STRADA: variants seen among roughly 807,000 people sequenced by gnomAD.
STRADA encodes the protein STE20 related adaptor alpha.
In STRADA, 26 loss-of-function variants were observed where a neutral mutation model predicts 55.0. The ratio of observed to expected loss-of-function variants is 0.47; its 90% CI spans 0.35 to 0.66. The LOEUF (loss-of-function observed/expected upper bound fraction) is 0.66, where lower values mean the gene tolerates loss of function less well. STRADA is among the 30% of genes least tolerant of loss of function. The pLI is 0.01. For synonymous variants in STRADA, 197 were observed against 210.9 expected, an observed-to-expected ratio of 0.93 and a Z score of 0.57; for missense variants, 443 against 549.7, an observed-to-expected ratio of 0.81 and a Z score of 1.94.
At chr17:63,740,643 C>T (rs1162728056) in intron 1 of STRADA, among the ~76,000 whole-genome samples, 1 of 152,132 alleles carries the variant, frequency 6.6e-6, no homozygotes, top group African/African-American at 2.4e-5. Context: ...CTCTGTTTTA[C>T]GGATCAGGAA....
At chr17:63,729,582 C>T (rs1293528390) in intron 1 of STRADA, among the ~76,000 whole-genome samples, 2 of 151,874 alleles carry the variant, frequency 1.3e-5, no homozygotes, top group Admixed American at 6.6e-5. Context: ...GTCAGGAGTT[C>T]GAGACTAGCC....
At chr17:63,723,188 G>C (rs2037425459) in intron 4 of STRADA, 110 bp downstream of exon 4, 2 of 1,288,148 alleles carry the variant, frequency 1.6e-6, no homozygotes, top group Admixed American at 1.8e-5. Context: ...ATAAAGCTCA[G>C]TGACAGATAA....
intron 5 of STRADA, 118 bp from the exon 6 acceptor site, chr17:63,713,645 C>A: frequency 7.6e-7 from 1 of 1,320,374 alleles, no homozygotes; most frequent in Non-Finnish European, 1.0e-6. Flanking sequence ...TTTTTCACTA[C>A]TGTTACTTTT....
chr17:63,705,943 C>T (rs915347838), intron 10 of STRADA: 6 of 152,196 alleles, frequency 3.9e-5, no homozygotes, highest in African/African-American at 1.2e-4. Flanking sequence ...CCCCTACCAC[C>T]GGGCAAGCAG....
chr17:63,728,735 T>TTAAA (rs1568213181), intron 1 of STRADA, among the ~76,000 whole-genome samples: 1 of 112,430 alleles, frequency 8.9e-6, no homozygotes. Context: ...CCCATCTCTA[T>TTAAA]AAAAAAAAAA....
rs1161174255 is a variant in STRADA at position 63,710,328 on chromosome 17, G to A, written c.581+163C>T. ...TGTGATTACAGGCGTGAGCCATCGC[G>A]CTGGGCCCTGTTTCTTTTCAGAGCA... On this transcript the variant is annotated intron_variant, in intron 8 of 12. Coordinates refer to ENST00000336174, the MANE Select transcript of STRADA (RefSeq NM_001003787.4). 7 of 1,235,108 alleles carry A rather than the reference G, an allele frequency of 5.7e-6. No homozygotes were observed. In the East Asian group the frequency reaches 1.3e-4, roughly 23 times the overall value. 76.5% of individuals were successfully genotyped at this position (1,235,108 alleles called of 1,614,324 possible). A position where few individuals can be genotyped will look rare whatever the true frequency, so the allele number is the denominator to read the frequency against.
chr17:63,716,095 G>GTTT (rs536853800), intron 4 of STRADA, among the ~76,000 whole-genome samples: 9 of 134,922 alleles, frequency 6.7e-5, no homozygotes, highest in Non-Finnish European at 8.1e-5. Flanking sequence ...AACGTACGTG[G>GTTT]TTTTTTTTTT....
intron 3 of STRADA, chr17:63,725,721 G>A: frequency 6.6e-6 from 1 of 151,748 alleles, no homozygotes; most frequent in Non-Finnish European, 1.5e-5. Context: ...CCAGGCTGGA[G>A]TGCAGTGGCG....
rs553748448 is a variant in STRADA at position 63,736,758 on chromosome 17, T to A, written c.-45+4983A>T. Reference sequence around the variant, plus strand: ...AGTTGGCAGGTTGAAGAAAATATAATAATATCATGAAATATACAGATTATA... The same window carrying A: ...AGTTGGCAGGTTGAAGAAAATATAAAAATATCATGAAATATACAGATTATA... On this transcript the variant is annotated intron_variant, in intron 1 of 12. Coordinates refer to ENST00000336174, the MANE Select transcript of STRADA (RefSeq NM_001003787.4). Among the ~76,000 whole-genome samples the A allele has an allele frequency of 2.6e-5, 4 of 151,188 alleles. No homozygotes were observed. The East Asian group carries it at 7.8e-4, about 30-fold the overall frequency.
chr17:63,731,138 T>TCCACCATGG (rs1256761345), intron 1 of STRADA, among the ~76,000 whole-genome samples: 1 of 151,830 alleles, frequency 6.6e-6, no homozygotes, highest in Non-Finnish European at 1.5e-5. Context: ...GAGACGGGGT[T>TCCACCATGG]CCACCATGTT....
intron 4 of STRADA, chr17:63,715,408 C>T (rs1025145668): frequency 3.3e-5 from 5 of 152,228 alleles, no homozygotes; most frequent in Non-Finnish European, 7.3e-5. Context: ...ATTAATCTAC[C>T]ACCCTGTTGG....
intron 10 of STRADA, chr17:63,705,172 A>G (rs2036001202): frequency 1.8e-6 from 1 of 564,500 alleles, no homozygotes; most frequent in Non-Finnish European, 3.2e-6. Context: ...AAGCTGTCCA[A>G]GCCAGAAACC....
intron 1 of STRADA, among the ~76,000 whole-genome samples, chr17:63,730,150 C>T (rs558248962): frequency 3.0e-4 from 45 of 152,210 alleles, no homozygotes; most frequent in African/African-American, 3.9e-4. Flanking sequence ...TCTCTCTTTC[C>T]TTATACACCT....
chr17:63,716,295 C>G (rs1218722617), intron 4 of STRADA, among the ~76,000 whole-genome samples: 1 of 151,904 alleles, frequency 6.6e-6, no homozygotes, highest in Admixed American at 6.6e-5. Flanking sequence ...TGGGGTTTTG[C>G]CATGTTGCCC....
chr17:63,704,635 G>GTCCC, intron 10 of STRADA, 53 bp from the exon 11 acceptor site: 1 of 1,205,618 alleles, frequency 8.3e-7, no homozygotes, highest in Non-Finnish European at 1.1e-6. Flanking sequence ...GGGGGGGGTG[G>GTCCC]TCCCTGGAAG....
chr17:63,740,105 T>TATATATATATATATATATATATATATAC (rs1354662253), intron 1 of STRADA, among the ~76,000 whole-genome samples: 6 of 56,660 alleles, frequency 1.1e-4, no homozygotes, highest in South Asian at 6.6e-4. Context: ...TATATATATA[T>TATATATATATATATATATATATATATAC]ATACATACAT....
At chr17:63,730,566 A>AT (rs2037965965) in intron 1 of STRADA, among the ~76,000 whole-genome samples, 1 of 150,476 alleles carries the variant, frequency 6.6e-6, no homozygotes, top group African/African-American at 2.4e-5. Context: ...TAATTTTTGT[A>AT]TTTTTTGTAG....
intron 5 of STRADA, 73 bp downstream of exon 5, chr17:63,713,933 C>G: frequency 1.6e-6 from 2 of 1,248,670 alleles, no homozygotes; most frequent in South Asian, 2.4e-5. Flanking sequence ...GTACACACAT[C>G]TGGGGCTGCT....
chr17:63,729,165 G>A (rs1377534812), intron 1 of STRADA, among the ~76,000 whole-genome samples: 1 of 152,116 alleles, frequency 6.6e-6, no homozygotes, highest in East Asian at 1.9e-4. Flanking sequence ...GTTACCACGT[G>A]AGCCACCATG....
Sources: allele counts gnomAD v4.1 joint callset (sites outside exome capture counted in the v4.1 genomes callset), GRCh38; gene constraint gnomAD v4.1.1; transcripts MANE v1.5; gene names NCBI Gene and HGNC (gene_info 2026-07-23, HGNC 2026-07-21).